MEF2C: variants seen among roughly 807,000 people sequenced by gnomAD.
MEF2C encodes myocyte-specific enhancer factor 2C.
A neutral mutation model predicts 50.5 loss-of-function variants in MEF2C; 6 were observed. The ratio of observed to expected loss-of-function variants is 0.12; its 90% CI spans 0.07 to 0.23. MEF2C has a LOEUF of 0.23. Among genes scored for constraint, MEF2C ranks in the 10% least tolerant of loss-of-function variants. The probability of loss-of-function intolerance (pLI) is 1.00; values close to 1 mark genes in which losing one functional copy is unlikely to be tolerated. For missense variants in MEF2C, 276 were observed against 605.0 expected, an observed-to-expected ratio of 0.46 and a Z score of 5.70; for synonymous variants, 183 against 228.0, an observed-to-expected ratio of 0.80 and a Z score of 1.78.
At chr5:88,771,493 CCT>C in intron 3 of MEF2C, 2 of 985,242 alleles carry the variant, frequency 2.0e-6, no homozygotes, top group Non-Finnish European at 2.4e-6. Flanking sequence ...CAGTCCTTGA[CCT>C]CTTTTTTATA....
At chr5:88,819,082 C>G (rs1311817827) in intron 2 of MEF2C, among the ~76,000 whole-genome samples, 1 of 151,914 alleles carries the variant, frequency 6.6e-6, no homozygotes, top group Non-Finnish European at 1.5e-5. Flanking sequence ...CTCAGAGGGT[C>G]TAAGTAACTT....
At chr5:88,784,021 AAC>A (rs2152902966) in intron 3 of MEF2C, among the ~76,000 whole-genome samples, 1 of 152,382 alleles carries the variant, frequency 6.6e-6, no homozygotes, top group Non-Finnish European at 1.5e-5. Flanking sequence ...GTAAAAATAT[AAC>A]AAAAATCTTG....
chr5:88,754,603 T>C (rs981300655), intron 4 of MEF2C, among the ~76,000 whole-genome samples: 4 of 152,168 alleles, frequency 2.6e-5, no homozygotes, highest in Non-Finnish European at 5.9e-5. Context: ...TCTTTGGGTA[T>C]CAAAATGACT....
chr5:88,874,568 C>G (rs1830506017), intron 1 of MEF2C, among the ~76,000 whole-genome samples: 1 of 151,866 alleles, frequency 6.6e-6, no homozygotes, highest in Non-Finnish European at 1.5e-5. Context: ...TTCTTATAAG[C>G]TGCCTTATAC....
rs533815703 is a variant in MEF2C at position 88,741,160 on chromosome 5, G to A, written c.637+7910C>T. 1.0e-5 allele frequency: 10 copies of A among 985,360 alleles called. No homozygotes were observed. In the African/African-American group the frequency reaches 1.7e-4, roughly 17 times the overall value. 61.0% of individuals were successfully genotyped at this position (985,360 alleles called of 1,614,324 possible). On this transcript the variant is annotated intron_variant, in intron 6 of 10. Transcript: ENST00000504921. ...GCCCCGTGCTGGACATCTCTGTGAA[G>A]CCTACTGGTGTGCTCCCTTCACCAC...
At chr5:88,770,080 T>C (rs1388859521) in intron 3 of MEF2C, 1 of 835,626 alleles carries the variant, frequency 1.2e-6, no homozygotes, top group Non-Finnish European at 1.4e-6. Context: ...GACAGAACTA[T>C]AAATTAAACA....
At chr5:88,803,843 C>G (rs543978752) in intron 3 of MEF2C, among the ~76,000 whole-genome samples, 63 of 152,116 alleles carry the variant, frequency 4.1e-4, no homozygotes, top group African/African-American at 1.5e-3. Context: ...AATGTTCCAG[C>G]CAAAACTGTA....
intron 2 of MEF2C, among the ~76,000 whole-genome samples, chr5:88,814,446 A>G (rs1264461125): frequency 6.6e-6 from 1 of 152,024 alleles, no homozygotes; most frequent in Non-Finnish European, 1.5e-5. Flanking sequence ...GTAACCCTCC[A>G]GCATAACTTG....
chr5:88,877,165 G>T (rs1169973165), intron 1 of MEF2C, among the ~76,000 whole-genome samples: 1 of 151,988 alleles, frequency 6.6e-6, no homozygotes. Context: ...GATTCCTGAA[G>T]AAATCTGCCT....
At chr5:88,896,944 TAC>T (rs58754057) in intron 1 of MEF2C, among the ~76,000 whole-genome samples, 577 of 150,346 alleles carry the variant, frequency 3.8e-3, no homozygotes, top group Non-Finnish European at 5.5e-3. Context: ...TCAGTAAAGC[TAC>T]ACACACACAC....
Position 88,747,588 on chromosome 5 carries a change from A to G in MEF2C, c.637+1482T>C, listed in dbSNP as rs1006237870. On this transcript the variant is annotated intron_variant, in intron 6 of 10. Transcript: ENST00000504921. ...ATGGTCTCGATCTCCTGACCTCGTG[A>G]TCCGCCCGCCTCGGCCTCCCAAAGT... is the stretch of plus-strand genomic sequence containing the variant. 4.0e-4 allele frequency among the ~76,000 whole-genome samples: 18 copies of G among 45,030 alleles called. 6 individuals carry two copies. Among genetic ancestry groups the G allele is most frequent in the Non-Finnish European group, 1.2e-3 (13 of 11,246 alleles). 29.5% of individuals were successfully genotyped at this position (45,030 alleles called of 152,430 possible).
At chr5:88,839,343 C>A (rs1467380397) in intron 1 of MEF2C, 2 of 135,950 alleles carry the variant, frequency 1.5e-5, no homozygotes, top group Admixed American at 1.5e-4. Flanking sequence ...CTCTCTCTCT[C>A]TCTCTCTCTC....
chr5:88,761,662 C>CTT (rs2152679601), intron 3 of MEF2C: 1 of 206,046 alleles, frequency 4.9e-6, no homozygotes, highest in South Asian at 1.2e-4. Flanking sequence ...CAAATTGCAA[C>CTT]ACTCTCTTCC....
intron 1 of MEF2C, among the ~76,000 whole-genome samples, chr5:88,824,681 A>AT (rs978646430): frequency 2.0e-5 from 3 of 151,900 alleles, no homozygotes; most frequent in Admixed American, 2.0e-4. Flanking sequence ...TTATAACCAT[A>AT]TTTTTTATAA....
At chr5:88,758,024 A>G (rs1451838547) in intron 4 of MEF2C, among the ~76,000 whole-genome samples, 2 of 152,102 alleles carry the variant, frequency 1.3e-5, no homozygotes, top group Non-Finnish European at 2.9e-5. Flanking sequence ...CATCTGTAAC[A>G]CCTTCTTGTT....
intron 1 of MEF2C, among the ~76,000 whole-genome samples, chr5:88,847,378 A>G (rs1819699959): frequency 6.6e-6 from 1 of 152,218 alleles, no homozygotes; most frequent in South Asian, 2.1e-4. Flanking sequence ...GCCCTAGAAT[A>G]CCAATGTAGT....
intron 6 of MEF2C, chr5:88,739,824 T>C: frequency 2.0e-6 from 2 of 985,316 alleles, no homozygotes; most frequent in Middle Eastern, 5.2e-4. Context: ...AATCTGGGTA[T>C]GATGAAAATT....
chr5:88,747,921 G>T, intron 6 of MEF2C: 1 of 395,100 alleles, frequency 2.5e-6, no homozygotes, highest in Non-Finnish European at 3.4e-6. Flanking sequence ...TTTTTTGAGG[G>T]AAAAAATTTC....
At chr5:88,870,619 A>G (rs1432727270) in intron 1 of MEF2C, among the ~76,000 whole-genome samples, 1 of 151,782 alleles carries the variant, frequency 6.6e-6, no homozygotes, top group Non-Finnish European at 1.5e-5. Context: ...TCATCCAACC[A>G]CCTCTTTTAG....
Sources: allele counts gnomAD v4.1 joint callset (sites outside exome capture counted in the v4.1 genomes callset), GRCh38; gene constraint gnomAD v4.1.1; transcripts MANE v1.5; gene names NCBI Gene and HGNC (gene_info 2026-07-23, HGNC 2026-07-21).